The following PRAG1 variants were observed in gnomAD, a reference collection of about 807,000 sequenced individuals.
PRAG1 encodes inactive tyrosine-protein kinase PRAG1.
Under a neutral mutation model 95.6 loss-of-function variants are expected in PRAG1, and 110 were observed. The ratio of observed to expected loss-of-function variants is 1.15; its 90% CI spans 0.99 to 1.35. The LOEUF is 1.35. PRAG1 is among the 40% of genes most tolerant of loss of function. PRAG1 has a pLI of 0.00. For missense variants in PRAG1, 2,554 were observed against 1,864.7 expected (o/e 1.37, Z -6.81); for synonymous variants, 1,052 against 819.4 (o/e 1.28, Z -4.85).
At chr8:8,370,546 T>C (rs1177792581) in intron 3 of PRAG1, among the ~76,000 whole-genome samples, 1 of 152,214 alleles carries the variant, frequency 6.6e-6, no homozygotes, top group Non-Finnish European at 1.5e-5. Context: ...ATCAAGAGTA[T>C]GGGATTTCCT....
chr8:8,352,760 G>C (rs951429181), intron 3 of PRAG1, among the ~76,000 whole-genome samples: 13 of 152,032 alleles, frequency 8.6e-5, no homozygotes, highest in Non-Finnish European at 5.9e-5. Context: ...TGGTATACCT[G>C]TATGTTTGTT....
chr8:8,347,823 T>G (rs79286076), intron 3 of PRAG1, among the ~76,000 whole-genome samples: 2,491 of 151,970 alleles, frequency 0.016, 93 homozygotes, highest in African/African-American at 0.054. Flanking sequence ...ACATCTTTTT[T>G]TTTTATTTTT....
Position 8,377,581 on chromosome 8 carries a change from C to G in PRAG1, c.828G>C (p.Arg276=). 6.2e-7 allele frequency: 1 copy of G among 1,611,852 alleles called. No homozygotes were observed. The highest frequency in any genetic ancestry group is 1.1e-5 in the South Asian group (1 of 90,890). ...AKAASQTAGS[R]GRHGGRDCSP... ...AGCAGTCCCTGCCACCATGCCTGCC[C>G]CGGGAACCTGCAGTCTGGGAGGCAG... The change falls in exon 3 of 6, where the codon CGG becomes CGC. Residue 276 remains arginine, a synonymous_variant. Transcript: ENST00000615670.
In PRAG1 at chr8:8,386,376, G is replaced by C; in HGVS notation, c.-143C>G. 1 of 152,270 alleles carries C rather than the reference G, an allele frequency of 6.6e-6. No individual in the cohort carries two copies. The highest frequency in any genetic ancestry group is 1.9e-4 in the East Asian group (1 of 5,186). The allele number at this position is 152,270 out of a possible 1,614,324, so 9.4% of individuals were successfully genotyped here. On this transcript the variant is annotated 5_prime_UTR_variant, in exon 1 of 6. Coordinates refer to ENST00000615670, the MANE Select transcript of PRAG1 (RefSeq NM_001080826.3). ...CGGTCTCCGAGCCGCCAGCCGCCCG[G>C]CCGGAGCATTGTTCGCAGAAGGTCT...
At chr8:8,385,156 T>C in intron 1 of PRAG1, among the ~76,000 whole-genome samples, 1 of 152,214 alleles carries the variant, frequency 6.6e-6, no homozygotes, top group East Asian at 1.9e-4. Context: ...TTTTTCTGTA[T>C]GTTACAGTTA....
intron 3 of PRAG1, among the ~76,000 whole-genome samples, chr8:8,355,590 A>C (rs946256717): frequency 1.3e-5 from 2 of 152,220 alleles, no homozygotes; most frequent in Non-Finnish European, 2.9e-5. Context: ...GCATAGAGCA[A>C]TAAAACAGAA....
chr8:8,382,007 C>T (rs1392582244), intron 1 of PRAG1, among the ~76,000 whole-genome samples, 173 bp from the exon 2 acceptor site: 1 of 152,188 alleles, frequency 6.6e-6, no homozygotes, highest in African/African-American at 2.4e-5. Flanking sequence ...TAAACATTCT[C>T]TGGTGGTGTG....
chr8:8,370,958 GTGAAACCCCAT>G (rs1229839346), intron 3 of PRAG1, among the ~76,000 whole-genome samples: 2 of 152,034 alleles, frequency 1.3e-5, no homozygotes, highest in Non-Finnish European at 2.9e-5. Context: ...GAGCAACACG[GTGAAACCCCAT>G]CTCTACTAAA....
intron 1 of PRAG1, among the ~76,000 whole-genome samples, chr8:8,383,749 G>A (rs1001845183): frequency 6.6e-6 from 1 of 152,162 alleles, no homozygotes; most frequent in Non-Finnish European, 1.5e-5. Flanking sequence ...ATACACCCAA[G>A]TAGCAGGTTC....
intron 5 of PRAG1, among the ~76,000 whole-genome samples, chr8:8,322,379 A>G (rs1489830010): frequency 1.3e-5 from 2 of 151,918 alleles, no homozygotes; most frequent in East Asian, 3.9e-4. Flanking sequence ...ACAGGGTTTC[A>G]CCATGTTGCC....
At chr8:8,362,543 C>T (rs1384448988) in intron 3 of PRAG1, among the ~76,000 whole-genome samples, 3 of 152,168 alleles carry the variant, frequency 2.0e-5, no homozygotes, top group Non-Finnish European at 4.4e-5. Flanking sequence ...GGCAGTGGGG[C>T]ACCTCCCCTA....
At chr8:8,381,884 T>C in intron 1 of PRAG1, 50 bp from the exon 2 acceptor site, 2 of 638,804 alleles carry the variant, frequency 3.1e-6, no homozygotes, top group Non-Finnish European at 5.3e-6. Flanking sequence ...TGCCAGACAA[T>C]GGGTGCATTA....
intron 3 of PRAG1, among the ~76,000 whole-genome samples, chr8:8,365,501 G>C (rs1436676998): frequency 1.3e-5 from 2 of 152,064 alleles, no homozygotes; most frequent in Non-Finnish European, 2.9e-5. Context: ...GCAGGTGCCT[G>C]TAATTCCAGC....
chr8:8,354,550 A>T (rs1430035595), intron 3 of PRAG1, among the ~76,000 whole-genome samples: 2 of 152,224 alleles, frequency 1.3e-5, no homozygotes, highest in African/African-American at 2.4e-5. Flanking sequence ...TTGCAGACTG[A>T]ATTCAACAAT....
intron 3 of PRAG1, among the ~76,000 whole-genome samples, chr8:8,350,407 C>A (rs894720778): frequency 1.3e-5 from 2 of 152,166 alleles, no homozygotes; most frequent in Admixed American, 6.5e-5. Flanking sequence ...AACTCATGGC[C>A]TGGAAAGTCA....
chr8:8,337,376 G>A (rs1043371423), intron 4 of PRAG1, among the ~76,000 whole-genome samples: 6 of 152,142 alleles, frequency 3.9e-5, no homozygotes, highest in African/African-American at 7.2e-5. Flanking sequence ...CTTGGTAAGC[G>A]GTGAGAAGTG....
At chr8:8,348,297 G>C (rs1799412325) in intron 3 of PRAG1, among the ~76,000 whole-genome samples, 1 of 152,290 alleles carries the variant, frequency 6.6e-6, no homozygotes, top group African/African-American at 2.4e-5. Context: ...GATCCTGAAA[G>C]AGCCCTACCT....
chr8:8,369,238 C>T (rs1355513370), intron 3 of PRAG1, among the ~76,000 whole-genome samples: 5 of 151,130 alleles, frequency 3.3e-5, no homozygotes, highest in Non-Finnish European at 7.4e-5. Flanking sequence ...TGAACATCTA[C>T]TACATATCCA....
At chr8:8,351,043 A>G (rs1261475063) in intron 3 of PRAG1, among the ~76,000 whole-genome samples, 1 of 152,202 alleles carries the variant, frequency 6.6e-6, no homozygotes, top group Non-Finnish European at 1.5e-5. Flanking sequence ...TTAGTTCTCT[A>G]TTGCTATAAA....
Sources: allele counts gnomAD v4.1 joint callset (sites outside exome capture counted in the v4.1 genomes callset), GRCh38; gene constraint gnomAD v4.1.1; transcripts MANE v1.5; gene names NCBI Gene and HGNC (gene_info 2026-07-23, HGNC 2026-07-21).